The following IL27RA variants were observed in gnomAD, a reference collection of about 807,000 sequenced individuals.
The protein encoded by IL27RA is interleukin-27 receptor subunit alpha.
In IL27RA, 61 loss-of-function variants were observed where a neutral mutation model predicts 80.8. That is an observed-to-expected ratio of 0.76 (90% confidence interval 0.61 to 0.93). The LOEUF (loss-of-function observed/expected upper bound fraction) is 0.93, where lower values mean the gene tolerates loss of function less well. IL27RA is among the 40% of genes least tolerant of loss of function. IL27RA has a pLI of 0.00. For missense variants in IL27RA, 735 were observed against 808.1 expected (o/e 0.91, Z 1.10); for synonymous variants, 316 against 332.5 (o/e 0.95, Z 0.54).
At position 14,046,158 on chromosome 19, in the gene IL27RA, C is replaced by T; in HGVS notation, c.773C>T (p.Pro258Leu). ...GEEPLLLWKA[P>L]GPCVQVSYKV... is the part of the protein sequence containing the mutation. The stretch of plus-strand genomic sequence containing the variant: ...CTTTTTCCCTTCATCTCTCAGGCCC[C>T]AGGGCCCTGTGTGCAGGTGAGCTAC... Residue 258 changes from proline (P) to leucine (L), a missense_variant, in exon 7 of 14, where the codon CCA (proline) becomes CTA (leucine). Transcript: ENST00000263379. 1 of 1,613,828 alleles carries T rather than the reference C, an allele frequency of 6.2e-7. No homozygotes were observed. The highest frequency in any genetic ancestry group is 2.2e-5 in the East Asian group (1 of 44,892).
chr19:14,049,108 G>T (rs201320066), intron 9 of IL27RA, 26 bp downstream of exon 9: 2 of 1,612,464 alleles, frequency 1.2e-6, no homozygotes, highest in Admixed American at 1.7e-5. Context: ...GAGGATGGGG[G>T]GGCTTCTGTA....
chr19:14,038,794 G>A (rs1348697278), intron 2 of IL27RA, among the ~76,000 whole-genome samples: 1 of 151,906 alleles, frequency 6.6e-6, no homozygotes, highest in Non-Finnish European at 1.5e-5. Context: ...TGAGGCAGGA[G>A]AATCGCTTGA....
chr19:14,040,637 A>C (rs141608553), intron 4 of IL27RA, among the ~76,000 whole-genome samples: 2 of 152,018 alleles, frequency 1.3e-5, no homozygotes, highest in African/African-American at 2.4e-5. Flanking sequence ...CCTGGCCAAC[A>C]TGGTGAAACC....
rs2145683575 is a variant in IL27RA at position 14,032,388 on chromosome 19, A to G, written c.103A>G (p.Ser35Gly). 6.2e-7 allele frequency: 1 copy of G among 1,612,782 alleles called. No homozygotes were observed. Among genetic ancestry groups the G allele is most frequent in the Admixed American group, 1.7e-5 (1 of 59,858 alleles). ...VLFQRTRPQG[S>G]AGPLQCYGVG... ...AGACCCTCTGACTCCCTCTCCAGGC[A>G]GCGCCGGGCCACTGCAGTGCTACGG... The change falls in exon 2 of 14, where the codon AGC becomes GGC. Residue 35 changes from serine to glycine, a missense_variant and splice_region_variant. Transcript: ENST00000263379.
chr19:14,045,836 C>T (rs1242192976), intron 6 of IL27RA, among the ~76,000 whole-genome samples: 2 of 151,294 alleles, frequency 1.3e-5, no homozygotes, highest in Non-Finnish European at 2.9e-5. Flanking sequence ...ACCAGCCTGG[C>T]CAACATGGTG....
intron 10 of IL27RA, 34 bp downstream of exon 10, chr19:14,049,348 G>A (rs1568503807): frequency 6.3e-7 from 1 of 1,595,406 alleles, no homozygotes; most frequent in East Asian, 2.2e-5. Context: ...TGTCCTCCCA[G>A]CCCCCACAAG....
At chr19:14,042,331 A>T (rs1976001279) in intron 4 of IL27RA, 122 bp from the exon 5 acceptor site, 1 of 1,028,266 alleles carries the variant, frequency 9.7e-7, no homozygotes, top group South Asian at 1.6e-5. Context: ...ACACCACTGC[A>T]CTCTAGCCTG....
intron 8 of IL27RA, among the ~76,000 whole-genome samples, chr19:14,048,353 G>T (rs1191400750): frequency 6.6e-6 from 1 of 152,166 alleles, no homozygotes; most frequent in East Asian, 1.9e-4. Context: ...TTAGGACACA[G>T]TCCCAAGACC....
intron 4 of IL27RA, among the ~76,000 whole-genome samples, chr19:14,040,143 C>T (rs926075807): frequency 5.3e-5 from 8 of 151,854 alleles, no homozygotes; most frequent in African/African-American, 1.9e-4. Flanking sequence ...GGGGATGGAT[C>T]ACTTGAGGTC....
chr19:14,032,814 AAAAAAAAAAAAAG>A (rs1248090828), intron 2 of IL27RA, among the ~76,000 whole-genome samples: 1 of 144,354 alleles, frequency 6.9e-6, no homozygotes, highest in African/African-American at 2.5e-5. Context: ...TCAAAAAAAA[AAAAAAAAAAAAAG>A]AAAAGAAAAG....
intron 4 of IL27RA, among the ~76,000 whole-genome samples, chr19:14,041,450 C>G (rs1975988100): frequency 2.6e-5 from 4 of 152,132 alleles, no homozygotes; most frequent in Admixed American, 2.6e-4. Context: ...ATCCACCCAC[C>G]TCCACCTCCT....
chr19:14,045,386 A>T (rs1976050157), intron 6 of IL27RA, among the ~76,000 whole-genome samples: 1 of 150,842 alleles, frequency 6.6e-6, no homozygotes, highest in African/African-American at 2.4e-5. Context: ...TTAAGAGACA[A>T]GGTCAGGAGA....
At chr19:14,032,279 C>T in intron 1 of IL27RA, 107 bp from the exon 2 acceptor site, 1 of 890,832 alleles carries the variant, frequency 1.1e-6, no homozygotes, top group South Asian at 1.5e-5. Flanking sequence ...TGCTCATTTC[C>T]CTAAGCCCCC....
chr19:14,042,197 CAA>C (rs144463133), intron 4 of IL27RA, among the ~76,000 whole-genome samples: 43 of 86,262 alleles, frequency 5.0e-4, no homozygotes, highest in Admixed American at 6.1e-4. Flanking sequence ...GACTCTGCCT[CAA>C]AAAAAAAAAA....
At chr19:14,048,729 C>A (rs1976108895) in intron 8 of IL27RA, among the ~76,000 whole-genome samples, 1 of 152,164 alleles carries the variant, frequency 6.6e-6, no homozygotes, top group Non-Finnish European at 1.5e-5. Context: ...CTCTGCGATG[C>A]CTGCTCTCTG....
intron 7 of IL27RA, 34 bp from the exon 8 acceptor site, chr19:14,046,396 G>T (rs1373058647): frequency 6.2e-7 from 1 of 1,614,026 alleles, no homozygotes; most frequent in East Asian, 2.2e-5. Flanking sequence ...GTGACTTCCT[G>T]AGTGGGCAGC....
At position 14,042,177 on chromosome 19, in the gene IL27RA, G is replaced by A. The variant is rs1322006207; in HGVS notation, c.535-276G>A. 4.9e-5 allele frequency among the ~76,000 whole-genome samples: 7 copies of A among 142,786 alleles called. 1 individual carries two copies. Among genetic ancestry groups the A allele is most frequent in the South Asian group, 4.5e-4 (2 of 4,492 alleles). The allele number at this position is 142,786 out of a possible 152,430, so 93.7% of individuals were successfully genotyped here. ...TCGTGCCACTGCACTCCAGCCTGGC[G>A]ACAGAGCAAGACTCTGCCTCAAAAA... On this transcript the variant is annotated intron_variant, in intron 4 of 13. Coordinates refer to ENST00000263379, the MANE Select transcript of IL27RA (RefSeq NM_004843.4).
rs1488038234 is a variant in IL27RA, at chr19:14,042,501, G to A, written c.583G>A (p.Asp195Asn). 1 of 1,614,194 alleles carries A rather than the reference G, an allele frequency of 6.2e-7. No individual in the cohort carries two copies. The highest frequency in any genetic ancestry group is 1.1e-5 in the South Asian group (1 of 91,080). The change falls in exon 5 of 14, where the codon GAT becomes AAT. Residue 195 changes from aspartate (D) to asparagine (N), a missense_variant. Transcript: ENST00000263379. ...TIPLTPVEIQ[D>N]LELATGYKVY... ...ACCCCTGACCCCTGTTGAGATCCAA[G>A]ATTTGGAGCTAGCCACTGGCTACAA...
rs1469629347 is a variant in IL27RA at position 14,031,783 on chromosome 19, T to A, written c.-90T>A. 4 of 1,123,640 alleles carry A rather than the reference T, an allele frequency of 3.6e-6. No individual in the cohort carries two copies. In the African/African-American group the frequency reaches 6.5e-5, roughly 18 times the overall value. The allele number at this position is 1,123,640 out of a possible 1,614,324, so 69.6% of individuals were successfully genotyped here. On this transcript the variant is annotated 5_prime_UTR_variant, in exon 1 of 14. Coordinates refer to ENST00000263379, the MANE Select transcript of IL27RA (RefSeq NM_004843.4). ...GGTGGTTCGGCTTCCCGTTGCCGCC[T>A]CGGGCGCTGTACCCAGAGCTCGAAG...
Sources: allele counts gnomAD v4.1 joint callset (sites outside exome capture counted in the v4.1 genomes callset), GRCh38; gene constraint gnomAD v4.1.1; transcripts MANE v1.5; gene names NCBI Gene and HGNC (gene_info 2026-07-23, HGNC 2026-07-21).